The following KCNMA1 variants were observed in gnomAD, a reference collection of about 807,000 sequenced individuals.
KCNMA1 encodes the protein Calcium-activated potassium channel subunit alpha-1.
A neutral mutation model predicts 140.0 loss-of-function variants in KCNMA1; 29 were observed. The observed-to-expected ratio is 0.21, with a 90% CI of 0.15 to 0.28. The LOEUF (loss-of-function observed/expected upper bound fraction) is 0.28, where lower values mean the gene tolerates loss of function less well. Ranked by LOEUF, KCNMA1 falls within the 10% of genes least tolerant of loss-of-function variation. KCNMA1 has a pLI of 1.00. For missense variants in KCNMA1, 880 were observed against 1,602.2 expected (o/e 0.55, Z 7.70); for synonymous variants, 612 against 611.9 (o/e 1.00, Z 0.00).
intron 3 of KCNMA1, among the ~76,000 whole-genome samples, chr10:77,199,965 T>TA (rs2041936041): frequency 2.0e-5 from 3 of 152,106 alleles, no homozygotes; most frequent in Non-Finnish European, 4.4e-5. Flanking sequence ...TAAATCTAGT[T>TA]TTTGAGACAG....
At chr10:77,457,891 A>G (rs1326620065) in intron 1 of KCNMA1, among the ~76,000 whole-genome samples, 3 of 152,200 alleles carry the variant, frequency 2.0e-5, no homozygotes, top group Non-Finnish European at 2.9e-5. Flanking sequence ...TTATATAGGA[A>G]AAGCCTCACA....
intron 1 of KCNMA1, among the ~76,000 whole-genome samples, chr10:77,593,324 G>A (rs1192332825): frequency 6.6e-6 from 1 of 152,332 alleles, no homozygotes; most frequent in South Asian, 2.1e-4. Flanking sequence ...CCAGGCGCCA[G>A]GTCACCATCT....
intron 3 of KCNMA1, among the ~76,000 whole-genome samples, chr10:77,218,725 C>CGACCA (rs138211312): frequency 0.012 from 1,820 of 152,298 alleles, 33 homozygotes; most frequent in African/African-American, 0.041. Flanking sequence ...CTCACTCCAT[C>CGACCA]GACCAGGCTG....
At chr10:77,200,058 C>T (rs2041965992) in intron 3 of KCNMA1, among the ~76,000 whole-genome samples, 1 of 152,176 alleles carries the variant, frequency 6.6e-6, no homozygotes, top group African/African-American at 2.4e-5. Flanking sequence ...TCAAGCGATT[C>T]TCCTGCCTCA....
chr10:77,039,111 T>C, intron 15 of KCNMA1: 1 of 242,436 alleles, frequency 4.1e-6, no homozygotes, highest in Non-Finnish European at 8.2e-6. Context: ...AGCTTCTCTG[T>C]TGTCTCTATG....
At chr10:76,928,895 A>C (rs2058533715) in intron 23 of KCNMA1, among the ~76,000 whole-genome samples, 2 of 152,184 alleles carry the variant, frequency 1.3e-5, no homozygotes, top group Admixed American at 1.3e-4. Context: ...AAATGGAGAC[A>C]AAACAATAAA....
chr10:77,155,388 G>A (rs1342477978), intron 5 of KCNMA1, among the ~76,000 whole-genome samples: 2 of 151,954 alleles, frequency 1.3e-5, no homozygotes, highest in Non-Finnish European at 2.9e-5. Context: ...CCTTACATGC[G>A]GTGGCCATGG....
In KCNMA1 at chr10:77,190,355, A is replaced by G. The variant is rs115647498; in HGVS notation, c.603-5439T>C. ...AATGGCAGAATAAAGTAGATATTGT[A>G]CTATAATCCCCATTTTACAGACAGA... On this transcript the variant is annotated intron_variant, in intron 3 of 27. Transcript: ENST00000286628. Among the ~76,000 whole-genome samples the G allele has an allele frequency of 6.6e-3, 1,007 of 152,316 alleles. 15 individuals are homozygous for G. Among genetic ancestry groups the G allele is most frequent in the African/African-American group, 0.023 (971 of 41,584 alleles).
chr10:77,398,210 A>T (rs1243989181), intron 2 of KCNMA1, among the ~76,000 whole-genome samples: 1 of 151,990 alleles, frequency 6.6e-6, no homozygotes, highest in African/African-American at 2.4e-5. Flanking sequence ...TTCTTTTCCT[A>T]TGGGTAGCCA....
intron 1 of KCNMA1, among the ~76,000 whole-genome samples, chr10:77,477,498 A>C (rs984934788): frequency 6.6e-6 from 1 of 152,196 alleles, no homozygotes; most frequent in African/African-American, 2.4e-5. Flanking sequence ...TCCAGGAGCA[A>C]ATGAACCCCA....
intron 2 of KCNMA1, among the ~76,000 whole-genome samples, chr10:77,384,240 TGGCAGAGGTAG>T (rs2095527177): frequency 6.6e-6 from 1 of 152,202 alleles, no homozygotes; most frequent in South Asian, 2.1e-4. Flanking sequence ...ATGACCTCAA[TGGCAGAGGTAG>T]GGACAACACC....
At chr10:77,462,434 CAT>C (rs757434896) in intron 1 of KCNMA1, among the ~76,000 whole-genome samples, 12 of 152,310 alleles carry the variant, frequency 7.9e-5, no homozygotes, top group South Asian at 2.1e-4. Context: ...CTCAAATAGA[CAT>C]ATAAATACAC....
intron 2 of KCNMA1, among the ~76,000 whole-genome samples, chr10:77,286,967 T>C (rs1375815398): frequency 6.6e-6 from 1 of 152,202 alleles, no homozygotes; most frequent in African/African-American, 2.4e-5. Flanking sequence ...TGTTGAGGAT[T>C]AGAGTAGACA....
chr10:76,886,112 C>T lies in KCNMA1; in HGVS notation c.*1154G>A. ...GTTGAGTCAACTGTGGCTGATCCTC[C>T]TACATTCTAATTTATTTAGCATGTC... On this transcript the variant is annotated 3_prime_UTR_variant, in exon 28 of 28. Transcript: ENST00000286628. The T allele has an allele frequency of 3.0e-6, 3 of 985,388 alleles. No homozygotes were observed. The highest frequency in any genetic ancestry group is 3.6e-6 in the Non-Finnish European group (3 of 829,926). The allele number at this position is 985,388 out of a possible 1,614,324, so 61.0% of individuals were successfully genotyped here. A position where few individuals can be genotyped will look rare whatever the true frequency, so the allele number is the denominator to read the frequency against.
intron 5 of KCNMA1, among the ~76,000 whole-genome samples, chr10:77,144,312 A>G (rs2098245140): frequency 6.6e-6 from 1 of 152,212 alleles, no homozygotes; most frequent in South Asian, 2.1e-4. Context: ...GAAAGGAGCT[A>G]GTTAGAAAAG....
chr10:77,228,696 C>G (rs1299732836), intron 3 of KCNMA1, among the ~76,000 whole-genome samples: 1 of 152,226 alleles, frequency 6.6e-6, no homozygotes, highest in Admixed American at 6.5e-5. Flanking sequence ...CTACCATGCT[C>G]TGAGCTAACT....
At chr10:76,908,304 C>T (rs1564835703) in intron 25 of KCNMA1, among the ~76,000 whole-genome samples, 1 of 152,198 alleles carries the variant, frequency 6.6e-6, no homozygotes, top group South Asian at 2.1e-4. Context: ...TTGGTATCAT[C>T]AGGCCATAAG....
rs751901610 is a variant in KCNMA1 at position 77,637,487 on chromosome 10, G to GGAA, written c.153_155dup (p.Ser60dup). The GGAA allele has an allele frequency of 6.2e-6, 10 of 1,600,914 alleles. No individual in the cohort carries two copies. Among genetic ancestry groups the GGAA allele is most frequent in the South Asian group, 1.1e-5 (1 of 89,488 alleles). On this transcript the variant is annotated inframe_insertion, in exon 1 of 28. Transcript: ENST00000286628. ...CCGAGGACGAGGAGGAAGAGGAGGA[G>GGAA]GAAGAAGAAGAAGAGGAAGAGGAGG...
At position 77,119,542 on chromosome 10, in the gene KCNMA1, G is replaced by A. The variant is rs186395828; in HGVS notation, c.884+1431C>T. Among the ~76,000 whole-genome samples the A allele has an allele frequency of 2.2e-3, 333 of 152,216 alleles. 1 individual carries two copies. The highest frequency in any genetic ancestry group is 0.014 in the Middle Eastern group (4 of 294). On this transcript the variant is annotated intron_variant, in intron 6 of 27. Coordinates refer to ENST00000286628, the MANE Select transcript of KCNMA1 (RefSeq NM_001161352.2). ...GTCTAGTGGAGTGAATCTGACATAC[G>A]TAAATATTGGCGAGATGCTAGCTTC...
Sources: allele counts gnomAD v4.1 joint callset (sites outside exome capture counted in the v4.1 genomes callset), GRCh38; gene constraint gnomAD v4.1.1; transcripts MANE v1.5; gene names NCBI Gene and HGNC (gene_info 2026-07-23, HGNC 2026-07-21).